NFAT5: variants seen among roughly 807,000 people sequenced by gnomAD.
The protein encoded by NFAT5 is nuclear factor of activated T cells 5.
A neutral mutation model predicts 166.5 loss-of-function variants in NFAT5; 31 were observed. That is an observed-to-expected ratio of 0.19 (90% CI 0.14 to 0.25). The LOEUF (loss-of-function observed/expected upper bound fraction) is 0.25, where lower values mean the gene tolerates loss of function less well. Among genes scored for constraint, NFAT5 ranks in the 10% least tolerant of loss-of-function variants. NFAT5 has a pLI of 1.00. For missense variants in NFAT5, 1,449 were observed against 1,821.8 expected, an observed-to-expected ratio of 0.80 and a Z score of 3.72; for synonymous variants, 612 against 639.7, an observed-to-expected ratio of 0.96 and a Z score of 0.65.
At chr16:69,694,286 T>C in intron 13 of NFAT5, 47 bp downstream of exon 13, 2 of 1,450,124 alleles carry the variant, frequency 1.4e-6, no homozygotes, top group South Asian at 1.3e-5. Context: ...TTATTATTAT[T>C]AGAAGGAAGC....
intron 2 of NFAT5, among the ~76,000 whole-genome samples, chr16:69,575,586 C>G (rs1318258081): frequency 3.3e-5 from 5 of 151,746 alleles, no homozygotes; most frequent in African/African-American, 1.2e-4. Context: ...CCACTGCACT[C>G]CAGCCTGGGC....
At chr16:69,578,043 CTTG>C (rs936440721) in intron 2 of NFAT5, among the ~76,000 whole-genome samples, 2 of 151,748 alleles carry the variant, frequency 1.3e-5, no homozygotes, top group South Asian at 2.1e-4. Context: ...ACTTCTTTTT[CTTG>C]TTGTTATTCC....
rs777215724 is a variant in NFAT5 at position 69,699,761 on chromosome 16, A to G, written c.*3410A>G. Reference sequence around the variant, plus strand: ...CACCTTTTCTTCTTTATATTGTTACATTTAAGTGTTCTTGCTTTCAGCAAC... The same window carrying G: ...CACCTTTTCTTCTTTATATTGTTACGTTTAAGTGTTCTTGCTTTCAGCAAC... On this transcript the variant is annotated 3_prime_UTR_variant, in exon 15 of 15. Transcript: ENST00000349945. The G allele has an allele frequency of 2.6e-5, 4 of 152,498 alleles. No homozygotes were observed. The highest frequency in any genetic ancestry group is 2.9e-5 in the Non-Finnish European group (2 of 68,028). The allele number at this position is 152,498 out of a possible 1,614,324, so 9.4% of individuals were successfully genotyped here. A position where few individuals can be genotyped will look rare whatever the true frequency, so the allele number is the denominator to read the frequency against.
intron 2 of NFAT5, among the ~76,000 whole-genome samples, chr16:69,609,690 A>G (rs2033607641): frequency 6.6e-6 from 1 of 152,024 alleles, no homozygotes; most frequent in Non-Finnish European, 1.5e-5. Flanking sequence ...AATAGAAAAG[A>G]CAAAGTAGGA....
intron 2 of NFAT5, among the ~76,000 whole-genome samples, chr16:69,593,358 A>G (rs752411156): frequency 1.3e-5 from 2 of 152,164 alleles, no homozygotes; most frequent in South Asian, 4.1e-4. Context: ...TTTTAATTTT[A>G]AGACAGGGTC....
In NFAT5 at chr16:69,695,416, C is replaced by T. The variant is rs749332952; in HGVS notation, c.*8+37C>T. 2.1e-6 allele frequency: 3 copies of T among 1,411,522 alleles called. No homozygotes were observed. In the South Asian group the frequency reaches 3.5e-5, roughly 17 times the overall value. The allele number at this position is 1,411,522 out of a possible 1,614,324, so 87.4% of individuals were successfully genotyped here. A position where few individuals can be genotyped will look rare whatever the true frequency, so the allele number is the denominator to read the frequency against. ...ATTTTGGCTTCTTATTGAAAAGCATCAGATTTTATTCTTCTTAACAGATTT... is the reference window on the plus strand; with the variant it reads ...ATTTTGGCTTCTTATTGAAAAGCATTAGATTTTATTCTTCTTAACAGATTT... On this transcript the variant is annotated intron_variant, in intron 14 of 14. Transcript: ENST00000349945.
In NFAT5 at chr16:69,647,747, A is replaced by C. The variant is rs191336385; in HGVS notation, c.812+161A>C. Among the ~76,000 whole-genome samples the C allele has an allele frequency of 2.3e-3, 356 of 152,294 alleles. 5 individuals are homozygous for C. The highest frequency in any genetic ancestry group is 7.9e-3 in the African/African-American group (329 of 41,564). On this transcript the variant is annotated intron_variant, in intron 4 of 14. Coordinates refer to ENST00000349945, the MANE Select transcript of NFAT5 (RefSeq NM_138713.4). The surrounding 1 kb of genome is among the most constrained non-coding windows in gnomAD (Gnocchi z 4.8). ...TGAAAATTTTAACTTAAAATTACCA[A>C]CTTTTACTAGATAGAAAATAAAATA...
At position 69,647,164 on chromosome 16, in the gene NFAT5, G is replaced by T. The variant is rs1166261719; in HGVS notation, c.390G>T (p.Val130=). 2 of 1,613,970 alleles carry T rather than the reference G, an allele frequency of 1.2e-6. No individual in the cohort carries two copies. The highest frequency in any genetic ancestry group is 1.7e-5 in the Admixed American group (1 of 59,996). ...AMQVESCSSA[V]GVSNRGVSEK... The stretch of plus-strand genomic sequence containing the variant: ...AAGTGGAGAGCTGCTCCTCAGCCGT[G>T]GGGGTAAGTAACAGAGGGGTAAGTG... Residue 130 remains valine, a synonymous_variant, in exon 4 of 15, where the codon GTG becomes GTT. Coordinates refer to ENST00000349945, the MANE Select transcript of NFAT5 (RefSeq NM_138713.4). The surrounding 1 kb of genome is among the most constrained non-coding windows in gnomAD (Gnocchi z 4.8).
At chr16:69,648,693 T>C (rs1356847645) in intron 4 of NFAT5, 1 of 965,354 alleles carries the variant, frequency 1.0e-6, no homozygotes, top group Non-Finnish European at 1.2e-6. Flanking sequence ...TAGATTTTTG[T>C]ATAGTACATT....
At position 69,566,469 on chromosome 16, in the gene NFAT5, G is replaced by C. The variant is rs2016043732; in HGVS notation, c.73+95G>C. On this transcript the variant is annotated intron_variant, in intron 1 of 14. Coordinates refer to ENST00000349945, the MANE Select transcript of NFAT5 (RefSeq NM_138713.4). The surrounding 1 kb of genome is among the most constrained non-coding windows in gnomAD (Gnocchi z 5.7). Reference sequence around the variant, plus strand: ...AGGCGAGGGGTCCCCGTCCCGCCGGGGGCGGCTGAGCCGCGACCCCCATGG... The same window carrying C: ...AGGCGAGGGGTCCCCGTCCCGCCGGCGGCGGCTGAGCCGCGACCCCCATGG... The C allele has an allele frequency of 9.1e-7, 1 of 1,101,000 alleles. No individual in the cohort carries two copies. Among genetic ancestry groups the C allele is most frequent in the Non-Finnish European group, 1.3e-6 (1 of 746,622 alleles). 68.2% of individuals were successfully genotyped at this position (1,101,000 alleles called of 1,614,324 possible).
chr16:69,677,042 A>T, intron 9 of NFAT5, 161 bp from the exon 10 acceptor site: 1 of 631,476 alleles, frequency 1.6e-6, no homozygotes, highest in Non-Finnish European at 2.6e-6. Context: ...AAGCAGTGTT[A>T]AGATTAATAT....
At chr16:69,684,831 A>G (rs887416933) in intron 10 of NFAT5, 56 bp from the exon 11 acceptor site, 40 of 1,116,780 alleles carry the variant, frequency 3.6e-5, no homozygotes, top group Non-Finnish European at 4.9e-5. Flanking sequence ...AATTTAAGAT[A>G]CGAGGTTTTT....
chr16:69,655,304 G>A (rs929810772), intron 5 of NFAT5, among the ~76,000 whole-genome samples: 4 of 152,110 alleles, frequency 2.6e-5, no homozygotes, highest in Non-Finnish European at 5.9e-5. Context: ...CAACCCAAAT[G>A]CTGCCTGAAG....
At chr16:69,579,157 G>A (rs1471438458) in intron 2 of NFAT5, among the ~76,000 whole-genome samples, 2 of 152,048 alleles carry the variant, frequency 1.3e-5, no homozygotes, top group Admixed American at 6.6e-5. Context: ...TACAGGCGCC[G>A]GCCACTGCGC....
rs530661389 is a variant in NFAT5 at position 69,635,023 on chromosome 16, G to GT, written c.253+8518dup. ...GTTTCTAACCTCCTTTGTTAGTAAA[G>GT]TTTTTTTTTTTTTTTTTTTTTTTGT... On this transcript the variant is annotated intron_variant, in intron 3 of 14. Coordinates refer to ENST00000349945, the MANE Select transcript of NFAT5 (RefSeq NM_138713.4). 6.1e-3 allele frequency among the ~76,000 whole-genome samples: 637 copies of GT among 105,234 alleles called. 7 individuals are homozygous for GT. The highest frequency in any genetic ancestry group is 8.1e-3 in the Admixed American group (70 of 8,694). 69.0% of individuals were successfully genotyped at this position (105,234 alleles called of 152,430 possible). A position where few individuals can be genotyped will look rare whatever the true frequency, so the allele number is the denominator to read the frequency against.
intron 2 of NFAT5, among the ~76,000 whole-genome samples, chr16:69,620,811 A>G (rs1044263179): frequency 1.4e-4 from 22 of 152,202 alleles, no homozygotes; most frequent in African/African-American, 5.3e-4. Flanking sequence ...CTTTGGGCAG[A>G]TATTCCAGTC....
At position 69,620,402 on chromosome 16, in the gene NFAT5, G is replaced by A. The variant is rs78918736; in HGVS notation, c.128-6001G>A. Among the ~76,000 whole-genome samples, 115 of 152,130 alleles carry A rather than the reference G, an allele frequency of 7.6e-4. 1 individual carries two copies. The East Asian group carries it at 0.021, about 28-fold the overall frequency. On this transcript the variant is annotated intron_variant, in intron 2 of 14. Coordinates refer to ENST00000349945, the MANE Select transcript of NFAT5 (RefSeq NM_138713.4). ...TTAGGTGAGTTGATTACACATTATCGCACAAATTATTAGCAGCATTAATAG... is the reference window on the plus strand; with the variant it reads ...TTAGGTGAGTTGATTACACATTATCACACAAATTATTAGCAGCATTAATAG...
chr16:69,644,904 A>G (rs2035371110), intron 3 of NFAT5: 2 of 446,822 alleles, frequency 4.5e-6, no homozygotes, highest in African/African-American at 2.0e-5. Flanking sequence ...CACAGCATTC[A>G]TGTTTTGTGT....
rs1368585208 is a variant in NFAT5, at chr16:69,568,344, ATATGTG to A, written c.74-149_74-144del. The A allele has an allele frequency of 7.2e-4, 155 of 215,572 alleles. 3 individuals are homozygous for A. The East Asian group carries it at 8.9e-3, about 12-fold the overall frequency. The allele number at this position is 215,572 out of a possible 1,614,324, so 13.4% of individuals were successfully genotyped here. A position where few individuals can be genotyped will look rare whatever the true frequency, so the allele number is the denominator to read the frequency against. ...TCAAAATGTATGTGTGTATATATAT[ATATGTG>A]TGTGTGTGTGTGTGTGTGTGTGTGT... On this transcript the variant is annotated intron_variant, in intron 1 of 14. Coordinates refer to ENST00000349945, the MANE Select transcript of NFAT5 (RefSeq NM_138713.4).
Sources: gnomAD v4.1 joint callset for allele counts (sites outside exome capture counted in the v4.1 genomes callset) on GRCh38, gnomAD v4.1.1 for gene constraint, Gnocchi (gnomAD v3.1) non-coding constraint, MANE v1.5 for transcripts, NCBI Gene and HGNC (gene_info 2026-07-23, HGNC 2026-07-21) for gene names.